Variants in GRIP2 observed in about 807,000 individuals in gnomAD.
The protein encoded by GRIP2 is glutamate receptor interacting protein 2.
A neutral mutation model predicts 108.3 loss-of-function variants in GRIP2; 58 were observed. The observed-to-expected ratio is 0.54, with a 90% CI of 0.43 to 0.67. The LOEUF is 0.67. Ranked by LOEUF, GRIP2 falls within the 30% of genes least tolerant of loss-of-function variation. The pLI is 0.00. For missense variants in GRIP2, 1,278 were observed against 1,430.6 expected (o/e 0.89, Z 1.72); for synonymous variants, 586 against 598.2 (o/e 0.98, Z 0.30).
chr3:14,568,127 T>C, the GRIP2 span, among the ~76,000 whole-genome samples: 1 of 152,070 alleles, frequency 6.6e-6, no homozygotes, highest in African/African-American at 2.4e-5. Flanking sequence ...AGTGAGGACT[T>C]TGGTCTTCCT....
At chr3:14,523,554 G>A (rs1437724747) in intron 5 of GRIP2, 58 bp downstream of exon 5, 11 of 1,071,664 alleles carry the variant, frequency 1.0e-5, no homozygotes, top group Admixed American at 1.9e-5. Context: ...CACACACATG[G>A]AATTAGTATT....
At chr3:14,557,603 G>T (rs569146751), upstream of GRIP2, among the ~76,000 whole-genome samples, 5 of 152,230 alleles carry the variant, frequency 3.3e-5, no homozygotes, top group Non-Finnish European at 5.9e-5. Flanking sequence ...GCTAGCCGAG[G>T]AAGCAGGAAG....
At chr3:14,531,023 A>C (rs180830734) in intron 1 of GRIP2, 79 of 152,284 alleles carry the variant, frequency 5.2e-4, no homozygotes, top group African/African-American at 1.8e-3. Flanking sequence ...TCATTCTTGC[A>C]CAGAGGCCAT....
chr3:14,583,211 G>C, the GRIP2 span, among the ~76,000 whole-genome samples: 1 of 152,162 alleles, frequency 6.6e-6, no homozygotes, highest in Admixed American at 6.5e-5. Context: ...GGATGAGTTG[G>C]GTAAGAGCAG....
chr3:14,586,585 G>A, the GRIP2 span, among the ~76,000 whole-genome samples: 2 of 152,194 alleles, frequency 1.3e-5, no homozygotes, highest in Non-Finnish European at 2.9e-5. Context: ...GAGGCCTCAT[G>A]GAATGTAGAG....
intron 1 of GRIP2, among the ~76,000 whole-genome samples, chr3:14,547,105 G>A (rs946310987): frequency 1.3e-5 from 2 of 152,092 alleles, no homozygotes; most frequent in African/African-American, 4.8e-5. Flanking sequence ...ACAGCAGTTA[G>A]AAGTGCAGCC....
Position 14,511,817 on chromosome 3 carries a change from G to C in GRIP2, c.1721-338C>G, listed in dbSNP as rs1205263588. Among the ~76,000 whole-genome samples the C allele has an allele frequency of 1.3e-5, 2 of 152,154 alleles. No homozygotes were observed. The highest frequency in any genetic ancestry group is 4.8e-5 in the African/African-American group (2 of 41,430). On this transcript the variant is annotated intron_variant, in intron 14 of 23. Transcript: ENST00000621039. This position sits in a 1 kb window ranked among gnomAD's most constrained non-coding sequence, Gnocchi z 4.1. ...AAACTGCGAGCTCTTTGTGGAGGGG[G>C]GCTGTCTGCTTGGTGTCTGTGTCCC... is the stretch of plus-strand genomic sequence containing the variant.
chr3:14,540,493 G>A (rs1694943066), upstream of GRIP2: 5 of 1,414,222 alleles, frequency 3.5e-6, no homozygotes, highest in Non-Finnish European at 4.8e-6. The surrounding 1 kb of genome is among the most constrained non-coding windows in gnomAD (Gnocchi z 4.1). Context: ...GTCAAGGCTG[G>A]CTCCAGGACA....
rs1383878034 is a variant in GRIP2, at chr3:14,494,993, G to T, written c.2824-4C>A. The T allele has an allele frequency of 1.9e-6, 3 of 1,613,382 alleles. No individual in the cohort carries two copies. Among genetic ancestry groups the T allele is most frequent in the African/African-American group, 2.7e-5 (2 of 74,930 alleles). ...TGGGGTCCTTGTGCAGGGTCACCTG[G>T]AAGCAGAAGGAGGAGGAGGTTCCTG... On this transcript the variant is annotated splice_region_variant and splice_polypyrimidine_tract_variant and intron_variant, in intron 22 of 23. Transcript: ENST00000621039.
At chr3:14,514,252 G>GTT (rs10656368) in intron 12 of GRIP2, 40 bp downstream of exon 12, 8 of 1,514,176 alleles carry the variant, frequency 5.3e-6, no homozygotes, top group East Asian at 2.5e-5. Flanking sequence ...GTTTCTCTCA[G>GTT]AGAGTGGCAG....
the GRIP2 span, among the ~76,000 whole-genome samples, chr3:14,599,580 G>C: frequency 6.6e-6 from 1 of 151,798 alleles, no homozygotes; most frequent in Non-Finnish European, 1.5e-5. Flanking sequence ...GCCTGGGGAG[G>C]GGGAGTTGGA....
At chr3:14,562,036 G>A in the GRIP2 span, among the ~76,000 whole-genome samples, 2,405 of 152,330 alleles carry the variant, frequency 0.016, 82 homozygotes, top group African/African-American at 0.055. Flanking sequence ...AATGACAGAT[G>A]TAACAGATAA....
chr3:14,507,126 G>T lies in GRIP2; in HGVS notation c.2219-146C>A. On this transcript the variant is annotated intron_variant, in intron 18 of 23. Transcript: ENST00000621039. The surrounding 1 kb of genome is among the most constrained non-coding windows in gnomAD (Gnocchi z 4.6). ...CCATGGCACACTAATAAGCAAACCT[G>T]TTTCACAGATGGGAAAACTGAGGCT... The T allele has an allele frequency of 1.3e-6, 1 of 792,150 alleles. No homozygotes were observed. Among genetic ancestry groups the T allele is most frequent in the Non-Finnish European group, 2.0e-6 (1 of 501,218 alleles). 49.1% of individuals were successfully genotyped at this position (792,150 alleles called of 1,614,324 possible). A position where few individuals can be genotyped will look rare whatever the true frequency, so the allele number is the denominator to read the frequency against.
the GRIP2 span, among the ~76,000 whole-genome samples, chr3:14,591,899 T>C: frequency 6.6e-6 from 1 of 152,200 alleles, no homozygotes; most frequent in Admixed American, 6.5e-5. Context: ...AGGAGGCACA[T>C]CAAGAGGAAG....
At chr3:14,585,646 T>A in the GRIP2 span, among the ~76,000 whole-genome samples, 1 of 152,174 alleles carries the variant, frequency 6.6e-6, no homozygotes, top group Non-Finnish European at 1.5e-5. Flanking sequence ...GCAGCTCCAG[T>A]GAACTCTGCA....
chr3:14,589,441 G>C, the GRIP2 span, among the ~76,000 whole-genome samples: 7 of 152,170 alleles, frequency 4.6e-5, no homozygotes, highest in Non-Finnish European at 1.0e-4. Context: ...ATGGAAGACA[G>C]GGGTTGGAGA....
At chr3:14,495,477 G>T (rs1309554889) in intron 22 of GRIP2, among the ~76,000 whole-genome samples, 1 of 152,132 alleles carries the variant, frequency 6.6e-6, no homozygotes, top group Non-Finnish European at 1.5e-5. Context: ...CGTGATCTCA[G>T]CTCACTGCAA....
chr3:14,525,602 C>T (rs936736578), intron 2 of GRIP2, 30 bp from the exon 3 acceptor site: 16 of 1,612,566 alleles, frequency 9.9e-6, no homozygotes, highest in African/African-American at 8.0e-5. Context: ...GGGGCTTGAG[C>T]GGGCAGCTGG....
At chr3:14,564,952 G>A in the GRIP2 span, among the ~76,000 whole-genome samples, 5 of 152,226 alleles carry the variant, frequency 3.3e-5, no homozygotes, top group East Asian at 1.9e-4. Context: ...AGCTCCGTGC[G>A]AGCATGTGGG....
Sources: allele counts gnomAD v4.1 joint callset (sites outside exome capture counted in the v4.1 genomes callset), GRCh38; gene constraint gnomAD v4.1.1; non-coding constraint Gnocchi (gnomAD v3.1); transcripts MANE v1.5; gene names NCBI Gene and HGNC (gene_info 2026-07-23, HGNC 2026-07-21).